The following SEMA3D variants were observed in gnomAD, a reference collection of about 807,000 sequenced individuals.
SEMA3D encodes the protein semaphorin 3D.
SEMA3D carries 84 observed loss-of-function variants against 100.1 expected under a neutral mutation model. That is an observed-to-expected ratio of 0.84 (90% CI 0.70 to 1.01). The LOEUF is 1.01. SEMA3D is among the 50% of genes least tolerant of loss of function. The pLI, the probability that SEMA3D is intolerant of heterozygous loss-of-function variation, is 0.00. For missense variants in SEMA3D, 875 were observed against 934.1 expected (o/e 0.94, Z 0.82); for synonymous variants, 312 against 320.7 (o/e 0.97, Z 0.29).
chr7:85,234,041 G>A, the SEMA3D span, among the ~76,000 whole-genome samples: 1 of 152,148 alleles, frequency 6.6e-6, no homozygotes, highest in Admixed American at 6.6e-5. Flanking sequence ...GTTAGAGAAT[G>A]TATTCTTGAC....
intron 13 of SEMA3D, among the ~76,000 whole-genome samples, chr7:85,022,100 T>C (rs1584529882): frequency 6.6e-6 from 1 of 151,892 alleles, no homozygotes; most frequent in African/African-American, 2.4e-5. Context: ...TAAACATTAC[T>C]TTGCCCTACT....
chr7:85,051,180 G>A (rs927465417), intron 9 of SEMA3D, among the ~76,000 whole-genome samples: 1 of 151,760 alleles, frequency 6.6e-6, no homozygotes, highest in Non-Finnish European at 1.5e-5. Flanking sequence ...AGTTATGGAA[G>A]CAATAGGTGC....
chr7:85,106,160 C>A (rs1322742716), intron 3 of SEMA3D, among the ~76,000 whole-genome samples: 1 of 151,946 alleles, frequency 6.6e-6, no homozygotes, highest in Admixed American at 6.6e-5. Flanking sequence ...ATGGAATAAA[C>A]TTCCTGGAAA....
chr7:85,108,714 A>T (rs559569939), intron 3 of SEMA3D, among the ~76,000 whole-genome samples: 1 of 152,040 alleles, frequency 6.6e-6, no homozygotes, highest in South Asian at 2.1e-4. Context: ...TTTCTCTCAA[A>T]CCTTTACCTC....
chr7:85,090,164 G>A (rs1005666022), intron 4 of SEMA3D, among the ~76,000 whole-genome samples: 1 of 152,030 alleles, frequency 6.6e-6, no homozygotes, highest in Non-Finnish European at 1.5e-5. Context: ...TTAGCACCTG[G>A]CACAGAATCT....
intron 1 of SEMA3D, among the ~76,000 whole-genome samples, chr7:85,185,058 GAGAAGAAGGAAA>G (rs1791503176): frequency 6.6e-6 from 1 of 151,306 alleles, no homozygotes; most frequent in African/African-American, 2.5e-5. Context: ...TCTGGCCTCA[GAGAAGAAGGAAA>G]AGGAGAAGGA....
At chr7:85,183,377 T>C (rs1182878079) in intron 1 of SEMA3D, among the ~76,000 whole-genome samples, 2 of 152,328 alleles carry the variant, frequency 1.3e-5, no homozygotes, top group East Asian at 3.9e-4. Context: ...ATATCCTTTT[T>C]AGTTTTGGAA....
At chr7:85,040,824 G>GA (rs1030668120) in intron 10 of SEMA3D, 82 bp from the exon 11 acceptor site, 18 of 691,030 alleles carry the variant, frequency 2.6e-5, no homozygotes, top group African/African-American at 2.6e-4. Context: ...CTGAAACTCT[G>GA]AAAATCTAAA....
intron 5 of SEMA3D, among the ~76,000 whole-genome samples, chr7:85,073,392 G>A (rs912437107): frequency 1.3e-5 from 2 of 151,880 alleles, no homozygotes; most frequent in Non-Finnish European, 2.9e-5. Flanking sequence ...AACAGAATAT[G>A]AATTAGACGT....
At chr7:85,066,892 TCA>T (rs542898682) in intron 7 of SEMA3D, among the ~76,000 whole-genome samples, 2,233 of 106,814 alleles carry the variant, frequency 0.021, 40 homozygotes, top group Non-Finnish European at 0.028. Context: ...AAATGTGCGC[TCA>T]CACACACACA....
chr7:85,250,208 G>C, the SEMA3D span, among the ~76,000 whole-genome samples: 2 of 150,892 alleles, frequency 1.3e-5, no homozygotes, highest in African/African-American at 4.9e-5. Context: ...ACCTGGCTCG[G>C]AGGGTCCTAC....
At chr7:85,197,416 C>G in the SEMA3D span, among the ~76,000 whole-genome samples, 1 of 152,116 alleles carries the variant, frequency 6.6e-6, no homozygotes, top group African/African-American at 2.4e-5. Context: ...AATTTTCAAC[C>G]AGAAAATGTT....
intron 1 of SEMA3D, among the ~76,000 whole-genome samples, chr7:85,179,105 A>G (rs542642755): frequency 4.3e-4 from 65 of 152,360 alleles, no homozygotes; most frequent in African/African-American, 1.4e-3. Flanking sequence ...CTGCAGGAGA[A>G]GAGCCCTCAT....
chr7:85,122,897 T>C (rs569305079), intron 2 of SEMA3D, among the ~76,000 whole-genome samples: 52 of 152,296 alleles, frequency 3.4e-4, no homozygotes, highest in Non-Finnish European at 6.5e-4. Flanking sequence ...TTCTGTAAGA[T>C]GTAGAGTCAA....
At chr7:85,215,563 T>C in the SEMA3D span, among the ~76,000 whole-genome samples, 9 of 152,158 alleles carry the variant, frequency 5.9e-5, no homozygotes, top group Admixed American at 2.6e-4. Flanking sequence ...CTTTGAGTAA[T>C]AGTTCTCAAA....
chr7:85,060,684 T>C (rs1190069918), intron 8 of SEMA3D, among the ~76,000 whole-genome samples: 5 of 152,142 alleles, frequency 3.3e-5, no homozygotes, highest in Non-Finnish European at 7.4e-5. Flanking sequence ...GAAACTCTTT[T>C]CACCCAGATG....
chr7:85,114,822 T>G (rs774370308), intron 3 of SEMA3D, among the ~76,000 whole-genome samples: 1 of 152,138 alleles, frequency 6.6e-6, no homozygotes, highest in Non-Finnish European at 1.5e-5. Context: ...AAACAAGATT[T>G]TTAATCCTTA....
chr7:85,028,741 G>T, intron 12 of SEMA3D: 1 of 197,160 alleles, frequency 5.1e-6, no homozygotes, highest in Non-Finnish European at 1.0e-5. Context: ...TTGGAGAATT[G>T]AATGCTGAGC....
intron 12 of SEMA3D, among the ~76,000 whole-genome samples, chr7:85,033,071 A>G (rs1428329272): frequency 6.6e-6 from 1 of 152,012 alleles, no homozygotes; most frequent in East Asian, 1.9e-4. Context: ...TCCTTAAATG[A>G]CCCTTCTTTA....
Sources: gnomAD v4.1 joint callset for allele counts (sites outside exome capture counted in the v4.1 genomes callset) on GRCh38, gnomAD v4.1.1 for gene constraint, MANE v1.5 for transcripts, NCBI Gene and HGNC (gene_info 2026-07-23, HGNC 2026-07-21) for gene names.